MPI: variants seen among roughly 807,000 people sequenced by gnomAD.
MPI encodes mannose-6-phosphate isomerase.
Under a neutral mutation model 40.1 loss-of-function variants are expected in MPI, and 33 were observed. The ratio of observed to expected loss-of-function variants is 0.82; its 90% confidence interval spans 0.62 to 1.10. The LOEUF is 1.10. Among genes scored for constraint, MPI ranks in the 50% least tolerant of loss-of-function variants. The probability of loss-of-function intolerance (pLI) is 0.00; values close to 1 mark genes in which losing one functional copy is unlikely to be tolerated. For synonymous variants in MPI, 187 were observed against 207.4 expected (o/e 0.90, Z 0.85); for missense variants, 514 against 524.1 (o/e 0.98, Z 0.19).
intron 3 of MPI, among the ~76,000 whole-genome samples, chr15:74,891,913 G>A (rs537870725): frequency 1.3e-5 from 2 of 152,218 alleles, no homozygotes; most frequent in African/African-American, 4.8e-5. Flanking sequence ...TTGCAAGGCA[G>A]GGCAGGTACC....
chr15:74,893,682 C>A lies in MPI; in HGVS notation c.670+362C>A, dbSNP rs1011260499. The A allele has an allele frequency of 6.3e-5, 36 of 572,336 alleles. No homozygotes were observed. The South Asian group carries it at 7.6e-4, about 12-fold the overall frequency. 35.5% of individuals were successfully genotyped at this position (572,336 alleles called of 1,614,324 possible). A position where few individuals can be genotyped will look rare whatever the true frequency, so the allele number is the denominator to read the frequency against. ...AGAGGCAGGAAGGGGACACGAGCAT[C>A]CTCCCTCTCCTGGAAAGGACTGATG... On this transcript the variant is annotated intron_variant, in intron 5 of 7. Coordinates refer to ENST00000352410, the MANE Select transcript of MPI (RefSeq NM_002435.3).
In MPI at chr15:74,897,916, T is replaced by G. The variant is rs1237022454; in HGVS notation, c.*186T>G. Reference sequence around the variant, plus strand: ...TGAACACACCCAGGTGGAACCATCTTTGGGGAGGAGAGGCCCGTGTGAGGG... The same window carrying G: ...TGAACACACCCAGGTGGAACCATCTGTGGGGAGGAGAGGCCCGTGTGAGGG... On this transcript the variant is annotated 3_prime_UTR_variant, in exon 8 of 8. Transcript: ENST00000352410. 1 of 678,454 alleles carries G rather than the reference T, an allele frequency of 1.5e-6. No individual in the cohort carries two copies. The highest frequency in any genetic ancestry group is 2.7e-6 in the Non-Finnish European group (1 of 374,360). The allele number at this position is 678,454 out of a possible 1,614,324, so 42.0% of individuals were successfully genotyped here.
At position 74,897,700 on chromosome 15, in the gene MPI, G is replaced by A. The variant is rs780975089; in HGVS notation, c.1242G>A (p.Leu414=). 18 of 1,614,058 alleles carry A rather than the reference G, an allele frequency of 1.1e-5. No homozygotes were observed. The Admixed American group carries it at 2.8e-4, about 25-fold the overall frequency. ...TGAAGCTTACTGAGCCGAAGGACCT[G>A]CTGATATTCCGTGCCTGCTGTCTGC... ...VSLKLTEPKD[L]LIFRACCLL Residue 414 remains leucine, a synonymous_variant, in exon 8 of 8, where the codon CTG becomes CTA. Coordinates refer to ENST00000352410, the MANE Select transcript of MPI (RefSeq NM_002435.3).
chr15:74,893,143 C>T lies in MPI; in HGVS notation c.493C>T (p.Pro165Ser). ...EEIVTFLKKV[P>S]EFQFLIGDEA... ...TGGGCCTTGCCTTCCTGTAGAGGTGCCTGAGTTTCAGTTCCTGATTGGAGA... is the reference window on the plus strand; with the variant it reads ...TGGGCCTTGCCTTCCTGTAGAGGTGTCTGAGTTTCAGTTCCTGATTGGAGA... Residue 165 changes from proline to serine, a missense_variant, in exon 5 of 8, where the codon CCT becomes TCT. Physicochemically the swap from Pro to Ser is moderately conservative, Grantham distance 74. Transcript: ENST00000352410. 3.7e-6 allele frequency: 6 copies of T among 1,613,940 alleles called. No homozygotes were observed. Among genetic ancestry groups the T allele is most frequent in the Non-Finnish European group, 5.1e-6 (6 of 1,180,040 alleles).
Position 74,892,808 on chromosome 15 carries a change from T to G in MPI, c.487+6T>G. 1 of 1,614,190 alleles carries G rather than the reference T, an allele frequency of 6.2e-7. No homozygotes were observed. The stretch of plus-strand genomic sequence containing the variant: ...GATTGTAACCTTTCTAAAGAGTAAG[T>G]TGGGCAGAATGCTGAAGGCATGCGT... On this transcript the variant is annotated splice_donor_region_variant and intron_variant, in intron 4 of 7. Coordinates refer to ENST00000352410, the MANE Select transcript of MPI (RefSeq NM_002435.3).
rs2064939690 is a variant in MPI at position 74,901,132 on chromosome 15, G to A, written c.*3402G>A. On this transcript the variant is annotated 3_prime_UTR_variant, in exon 8 of 8. Transcript: ENST00000352410. ...AACCTATACCCCAATCCCGACTATTGGGCTGGGAACCCTGTCTATGCCCAT... is the reference window on the plus strand; with the variant it reads ...AACCTATACCCCAATCCCGACTATTAGGCTGGGAACCCTGTCTATGCCCAT... The A allele has an allele frequency of 6.6e-6, 1 of 152,124 alleles. No individual in the cohort carries two copies. The highest frequency in any genetic ancestry group is 2.4e-5 in the African/African-American group (1 of 41,398). 9.4% of individuals were successfully genotyped at this position (152,124 alleles called of 1,614,324 possible).
chr15:74,898,364 C>A lies in MPI; in HGVS notation c.*634C>A, dbSNP rs879061028. On this transcript the variant is annotated 3_prime_UTR_variant, in exon 8 of 8. Coordinates refer to ENST00000352410, the MANE Select transcript of MPI (RefSeq NM_002435.3). ...TTCTCGGGGGAGTGAGCAGGCTACA[C>A]TCCAGAACACCGGTATGGGAAGGAG... The A allele has an allele frequency of 2.3e-5, 4 of 174,218 alleles. No individual in the cohort carries two copies. The South Asian group carries it at 5.1e-4, about 22-fold the overall frequency. 10.8% of individuals were successfully genotyped at this position (174,218 alleles called of 1,614,324 possible).
chr15:74,897,872 G>A lies in MPI; in HGVS notation c.*142G>A. On this transcript the variant is annotated 3_prime_UTR_variant, in exon 8 of 8. Coordinates refer to ENST00000352410, the MANE Select transcript of MPI (RefSeq NM_002435.3). The stretch of plus-strand genomic sequence containing the variant: ...AAGAGCTGGGGTGGGGGAGGAGGGA[G>A]CGTGAAGGTAGTGACTCCTGAACAC... The A allele has an allele frequency of 2.4e-6, 2 of 829,072 alleles. No homozygotes were observed. Among genetic ancestry groups the A allele is most frequent in the African/African-American group, 1.7e-5 (1 of 59,582 alleles). The allele number at this position is 829,072 out of a possible 1,614,324, so 51.4% of individuals were successfully genotyped here. A position where few individuals can be genotyped will look rare whatever the true frequency, so the allele number is the denominator to read the frequency against.
At position 74,890,672 on chromosome 15, in the gene MPI, T is replaced by C. The variant is rs186045258; in HGVS notation, c.144+18T>C. On this transcript the variant is annotated intron_variant, in intron 2 of 7. Coordinates refer to ENST00000352410, the MANE Select transcript of MPI (RefSeq NM_002435.3). ...ATGCAGAGGTGAGCCCCGGGCTGTA[T>C]TTCAGCCCACTTTACCCGCAGGTCA... The C allele has an allele frequency of 6.2e-7, 1 of 1,612,722 alleles. No individual in the cohort carries two copies. The highest frequency in any genetic ancestry group is 1.1e-5 in the South Asian group (1 of 91,080).
In MPI at chr15:74,896,144, A is replaced by T. The variant is rs779747979; in HGVS notation, c.671-8A>T. 1.9e-6 allele frequency: 3 copies of T among 1,613,792 alleles called. No individual in the cohort carries two copies. In the South Asian group the frequency reaches 3.3e-5, roughly 18 times the overall value. ...CTAAGTGACCTTGGGGTGCTCTGTGACCCTCAGCGGCTGCCGGAAACAACA... is the reference window on the plus strand; with the variant it reads ...CTAAGTGACCTTGGGGTGCTCTGTGTCCCTCAGCGGCTGCCGGAAACAACA... On this transcript the variant is annotated splice_polypyrimidine_tract_variant and splice_region_variant and intron_variant, in intron 5 of 7. Transcript: ENST00000352410.
chr15:74,890,208 G>A, intron 1 of MPI, 119 bp downstream of exon 1: 1 of 1,437,472 alleles, frequency 7.0e-7, no homozygotes, highest in South Asian at 1.2e-5. Flanking sequence ...ATGGGTGGGT[G>A]CCGGGCAGAG....
rs2064867364 is a variant in MPI at position 74,899,058 on chromosome 15, C to G, written c.*1328C>G. On this transcript the variant is annotated 3_prime_UTR_variant, in exon 8 of 8. Coordinates refer to ENST00000352410, the MANE Select transcript of MPI (RefSeq NM_002435.3). ...TCAACTGTTGCAGATTACAGGGACT[C>G]AGGAACCGAATTAGACAATTTTCAT... 1.3e-5 allele frequency: 2 copies of G among 152,256 alleles called. No individual in the cohort carries two copies. The highest frequency in any genetic ancestry group is 6.5e-5 in the Admixed American group (1 of 15,290). 9.4% of individuals were successfully genotyped at this position (152,256 alleles called of 1,614,324 possible). A position where few individuals can be genotyped will look rare whatever the true frequency, so the allele number is the denominator to read the frequency against.
chr15:74,896,894 T>C (rs2064826368), intron 6 of MPI, 117 bp from the exon 7 acceptor site: 1 of 919,992 alleles, frequency 1.1e-6, no homozygotes, highest in African/African-American at 1.6e-5. Context: ...GAGAATACAA[T>C]TCATGGAAAT....
intron 5 of MPI, among the ~76,000 whole-genome samples, chr15:74,894,076 G>C (rs1245800922): frequency 1.7e-5 from 1 of 60,078 alleles, no homozygotes; most frequent in African/African-American, 6.8e-5. Context: ...GTGTGTGTGT[G>C]TGTGTGTGTG....
At position 74,901,630 on chromosome 15, in the gene MPI, C is replaced by T. The variant is rs1284911253; in HGVS notation, c.*3900C>T. ...TAGGAGCTGGCTTAGGTCTCTCTTA[C>T]CCTTCCTGTCTGTAAGCCTCAGTCT... On this transcript the variant is annotated 3_prime_UTR_variant, in exon 8 of 8. Coordinates refer to ENST00000352410, the MANE Select transcript of MPI (RefSeq NM_002435.3). The T allele has an allele frequency of 6.6e-6, 1 of 152,606 alleles. No individual in the cohort carries two copies. The allele number at this position is 152,606 out of a possible 1,614,324, so 9.5% of individuals were successfully genotyped here. A position where few individuals can be genotyped will look rare whatever the true frequency, so the allele number is the denominator to read the frequency against.
chr15:74,891,850 C>T (rs1016448766), intron 3 of MPI, among the ~76,000 whole-genome samples: 4 of 152,158 alleles, frequency 2.6e-5, no homozygotes, highest in African/African-American at 9.7e-5. Context: ...CTCATCCAAC[C>T]CATGTCTATT....
Position 74,891,366 on chromosome 15 carries a change from C to T in MPI, c.145-13C>T, listed in dbSNP as rs762413273. On this transcript the variant is annotated splice_polypyrimidine_tract_variant and intron_variant, in intron 2 of 7. Transcript: ENST00000352410. ...TCTTCCCCCTTCCCCTCCCAAGTTT[C>T]CTGTCTTTCCAGTTGTGGATGGGGA... 6.2e-7 allele frequency: 1 copy of T among 1,613,734 alleles called. No individual in the cohort carries two copies. The highest frequency in any genetic ancestry group is 2.2e-5 in the East Asian group (1 of 44,880).
intron 5 of MPI, among the ~76,000 whole-genome samples, chr15:74,895,129 C>CTT (rs71140110): frequency 1.8e-4 from 20 of 110,556 alleles, no homozygotes; most frequent in South Asian, 2.9e-4. Flanking sequence ...CCACACCTGG[C>CTT]TTTTTTTTTT....
chr15:74,891,273 A>T, intron 2 of MPI, 106 bp from the exon 3 acceptor site: 1 of 1,067,534 alleles, frequency 9.4e-7, no homozygotes, highest in Non-Finnish European at 1.5e-6. Context: ...GGCCTTTCCC[A>T]GGACTCAGTT....
Sources: gnomAD v4.1 joint callset for allele counts (sites outside exome capture counted in the v4.1 genomes callset) on GRCh38, gnomAD v4.1.1 for gene constraint, MANE v1.5 for transcripts, NCBI Gene and HGNC (gene_info 2026-07-23, HGNC 2026-07-21) for gene names.